The following TENM1 variants were observed in gnomAD, a reference collection of about 807,000 sequenced individuals.
TENM1 encodes teneurin-1.
A neutral mutation model predicts 174.8 loss-of-function variants in TENM1; 35 were observed. The observed-to-expected ratio is 0.20, with a 90% confidence interval of 0.15 to 0.27. TENM1 has a LOEUF of 0.27. Among genes scored for constraint, TENM1 ranks in the 10% least tolerant of loss-of-function variants. The pLI is 1.00. For synonymous variants in TENM1, 781 were observed against 798.7 expected, an observed-to-expected ratio of 0.98 and a Z score of 0.37; for missense variants, 1,633 against 2,130.1, an observed-to-expected ratio of 0.77 and a Z score of 4.59.
At chrX:124,737,094 C>T (rs745707687) in exon 4 of TENM1, 16 of 1,208,586 alleles carry the variant, frequency 1.3e-5, no homozygotes, top group South Asian at 1.1e-4. Flanking sequence ...GAAGAGAGTC[C>T]GCTGCAGGGG....
chrX:124,499,949 C>T (rs2047289650), intron 19 of TENM1, among the ~76,000 whole-genome samples: 1 of 111,141 alleles, frequency 9.0e-6, no homozygotes, highest in African/African-American at 3.3e-5. Flanking sequence ...GGTAGATCTC[C>T]ATTTTTTTAT....
At chrX:124,843,796 T>G (rs923715936) in intron 3 of TENM1, among the ~76,000 whole-genome samples, 1 of 111,567 alleles carries the variant, frequency 9.0e-6, no homozygotes, top group Non-Finnish European at 1.9e-5. Context: ...TCACTACCTC[T>G]TAAAGAGTAT....
At chrX:125,112,963 T>C in the TENM1 span, among the ~76,000 whole-genome samples, 5 of 110,741 alleles carry the variant, frequency 4.5e-5, no homozygotes, top group Non-Finnish European at 9.5e-5. Context: ...ATTTTTTACA[T>C]GACAATGCAA....
intron 25 of TENM1, 105 bp from the exon 29 acceptor site, chrX:124,406,594 TAAC>T: frequency 2.1e-6 from 1 of 477,406 alleles, no homozygotes; most frequent in Non-Finnish European, 3.5e-6. Context: ...CTTTGAGTGA[TAAC>T]AAGTATTATT....
At chrX:124,474,328 T>C (rs1301502341) in intron 22 of TENM1, among the ~76,000 whole-genome samples, 3 of 111,292 alleles carry the variant, frequency 2.7e-5, no homozygotes, top group Non-Finnish European at 5.7e-5. Context: ...AATCTGAAGC[T>C]CAGGGAAGTT....
intron 11 of TENM1, among the ~76,000 whole-genome samples, chrX:124,596,369 C>T (rs774112800): frequency 4.0e-4 from 45 of 112,045 alleles, no homozygotes; most frequent in Non-Finnish European, 7.9e-4. Context: ...TTCATTCACA[C>T]GAGTTAAACA....
intron 11 of TENM1, among the ~76,000 whole-genome samples, chrX:124,609,468 A>C (rs772883686): frequency 9.0e-6 from 1 of 111,382 alleles, no homozygotes; most frequent in African/African-American, 3.3e-5. Flanking sequence ...TTTGAGCAAG[A>C]CATGCTACAA....
At chrX:124,950,518 C>G (rs1165810394) in intron 1 of TENM1, among the ~76,000 whole-genome samples, 1 of 111,686 alleles carries the variant, frequency 9.0e-6, no homozygotes, top group Non-Finnish European at 1.9e-5. Flanking sequence ...AATCAGTGAT[C>G]AACAAATAGG....
At chrX:124,911,144 G>A (rs1368923111) in intron 1 of TENM1, among the ~76,000 whole-genome samples, 1 of 111,003 alleles carries the variant, frequency 9.0e-6, no homozygotes, top group Non-Finnish European at 1.9e-5. Flanking sequence ...TCGAACTCCT[G>A]AGCTCAGGTG....
At chrX:124,789,408 A>G (rs2055124350) in intron 3 of TENM1, among the ~76,000 whole-genome samples, 1 of 111,385 alleles carries the variant, frequency 9.0e-6, no homozygotes, top group South Asian at 3.8e-4. Flanking sequence ...AGCCAGCTTG[A>G]ATTTCTCCTC....
the TENM1 span, among the ~76,000 whole-genome samples, chrX:125,156,620 T>C: frequency 8.9e-6 from 1 of 112,326 alleles, no homozygotes; most frequent in Non-Finnish European, 1.9e-5. Flanking sequence ...CAGTATTCAA[T>C]AGTGTATATA....
At chrX:124,646,477 G>A (rs1172556900) in intron 9 of TENM1, among the ~76,000 whole-genome samples, 62 of 112,132 alleles carry the variant, frequency 5.5e-4, no homozygotes, top group Non-Finnish European at 1.5e-4. Context: ...GATAATAGCA[G>A]ACCTATCTCA....
At chrX:124,552,640 C>G (rs1375956390) in intron 14 of TENM1, among the ~76,000 whole-genome samples, 1 of 112,030 alleles carries the variant, frequency 8.9e-6, no homozygotes, top group African/African-American at 3.2e-5. Flanking sequence ...GAATAAAAGC[C>G]TAAGTCTGAA....
intron 3 of TENM1, among the ~76,000 whole-genome samples, chrX:124,795,711 T>G (rs1347509828): frequency 1.9e-5 from 2 of 107,497 alleles, no homozygotes; most frequent in East Asian, 2.9e-4. Context: ...GGCAGTTTCT[T>G]TTTTTTTTTA....
At position 124,403,930 on chromosome X, in the gene TENM1, A is replaced by G. The variant is rs1365972263; in HGVS notation, c.5391+1101T>C. 3.6e-5 allele frequency among the ~76,000 whole-genome samples: 4 copies of G among 110,588 alleles called. No homozygotes were observed. In the Admixed American group the frequency reaches 3.8e-4, roughly 11 times the overall value. On this transcript the variant is annotated intron_variant, in intron 27 of 31. Coordinates refer to ENST00000422452, the Ensembl canonical transcript of TENM1. ...CCCGTCATTCTCTTTAAATTAGCCAATCGGAATTAGTTTAGTCTGTGCGGT... is the reference window on the plus strand; with the variant it reads ...CCCGTCATTCTCTTTAAATTAGCCAGTCGGAATTAGTTTAGTCTGTGCGGT...
In TENM1 at chrX:124,637,713, G is replaced by A. The variant is rs192213213; in HGVS notation, c.2077+4078C>T. Among the ~76,000 whole-genome samples, 4 of 111,670 alleles carry A rather than the reference G, an allele frequency of 3.6e-5. No individual in the cohort carries two copies. In the East Asian group the frequency reaches 8.5e-4, roughly 24 times the overall value. On this transcript the variant is annotated intron_variant, in intron 11 of 31. Coordinates refer to ENST00000422452, the Ensembl canonical transcript of TENM1. ...TCCTCAACCATCAGTAAATATTAAA[G>A]ACTCTTTGCACATTGTATCTCTCTC...
the TENM1 span, among the ~76,000 whole-genome samples, chrX:125,136,050 T>C: frequency 8.9e-6 from 1 of 112,053 alleles, no homozygotes; most frequent in Non-Finnish European, 1.9e-5. Context: ...TTTTCATTTA[T>C]TATTTTTTTC....
chrX:124,480,303 G>A, intron 22 of TENM1, among the ~76,000 whole-genome samples: 1 of 112,107 alleles, frequency 8.9e-6, no homozygotes, highest in Middle Eastern at 4.6e-3. Flanking sequence ...AATGGTATGG[G>A]GTTAGCCAGA....
At chrX:124,767,142 T>C (rs1348869307) in intron 3 of TENM1, among the ~76,000 whole-genome samples, 1 of 111,653 alleles carries the variant, frequency 9.0e-6, no homozygotes, top group African/African-American at 3.2e-5. Flanking sequence ...TACTGTATTA[T>C]ACATGCTTCC....
Sources: gnomAD v4.1 joint callset for allele counts (sites outside exome capture counted in the v4.1 genomes callset) on GRCh38, gnomAD v4.1.1 for gene constraint, MANE v1.5 for transcripts, NCBI Gene and HGNC (gene_info 2026-07-23, HGNC 2026-07-21) for gene names.